ZMYM1: variants seen among roughly 807,000 people sequenced by gnomAD.
ZMYM1 encodes zinc finger MYM-type protein 1.
A neutral mutation model predicts 60.0 loss-of-function variants in ZMYM1; 39 were observed. The observed-to-expected ratio is 0.65, with a 90% CI of 0.50 to 0.85. The LOEUF is 0.85. Ranked by LOEUF, ZMYM1 falls within the 40% of genes least tolerant of loss-of-function variation. The pLI is 0.00. For synonymous variants in ZMYM1, 413 were observed against 454.0 expected (o/e 0.91, Z 1.15); for missense variants, 1,171 against 1,309.5 (o/e 0.89, Z 1.63).
chr1:35,073,370 G>GAAGGAAGGAAGGAAGGA (rs1642107636), intron 1 of ZMYM1, among the ~76,000 whole-genome samples: 2 of 148,052 alleles, frequency 1.4e-5, no homozygotes, highest in African/African-American at 5.0e-5. Context: ...AGGAAGGAAG[G>GAAGGAAGGAAGGAAGGA]AAGGAAAGAA....
chr1:35,111,963 G>A (rs373953514), intron 8 of ZMYM1, 51 bp downstream of exon 8: 12 of 1,557,940 alleles, frequency 7.7e-6, no homozygotes, highest in Non-Finnish European at 1.0e-5. Flanking sequence ...TGTCATACTT[G>A]ATAAATCTGT....
intron 6 of ZMYM1, among the ~76,000 whole-genome samples, chr1:35,105,051 A>G (rs763301954): frequency 1.3e-5 from 2 of 151,926 alleles, no homozygotes; most frequent in Non-Finnish European, 2.9e-5. Context: ...AAAAATAACA[A>G]TAGTCTGCTG....
chr1:35,072,084 A>G (rs1642077670), intron 1 of ZMYM1, among the ~76,000 whole-genome samples: 1 of 152,224 alleles, frequency 6.6e-6, no homozygotes, highest in Non-Finnish European at 1.5e-5. Flanking sequence ...CAGTGAGCCG[A>G]GATCACGCCA....
At position 35,114,772 on chromosome 1, in the gene ZMYM1, T is replaced by TA. The variant is rs1644213338; in HGVS notation, c.2943dup (p.Cys982MetfsTer6). On this transcript the variant is annotated frameshift_variant, in exon 10 of 10. Transcript: ENST00000359858. LOFTEE classifies it low-confidence loss of function (END_TRUNC). ...GATACTATATTACAAAATTTAAAGT[T>TA]ATGTTTTTCGGAGTTTGATTATTGC... 1.3e-6 allele frequency: 2 copies of TA among 1,597,906 alleles called. No homozygotes were observed. The highest frequency in any genetic ancestry group is 8.5e-7 in the Non-Finnish European group (1 of 1,170,556).
At chr1:35,066,174 T>C (rs1210367014) in intron 1 of ZMYM1, among the ~76,000 whole-genome samples, 1 of 152,246 alleles carries the variant, frequency 6.6e-6, no homozygotes, top group East Asian at 1.9e-4. Context: ...TATTTTTATA[T>C]ACTGGCAATG....
At chr1:35,103,916 T>C (rs913739200) in intron 4 of ZMYM1, among the ~76,000 whole-genome samples, 5 of 152,158 alleles carry the variant, frequency 3.3e-5, no homozygotes, top group African/African-American at 9.7e-5. Context: ...CACCTAATAA[T>C]ACAGGCTGGC....
chr1:35,091,731 C>CAA (rs755636348), intron 1 of ZMYM1, among the ~76,000 whole-genome samples: 1 of 108,036 alleles, frequency 9.3e-6, no homozygotes, highest in Non-Finnish European at 2.0e-5. Flanking sequence ...ACCTTCTCTA[C>CAA]AAAAAAAAAA....
chr1:35,085,324 G>A (rs1403737699), intron 1 of ZMYM1, among the ~76,000 whole-genome samples: 1 of 152,212 alleles, frequency 6.6e-6, no homozygotes, highest in East Asian at 1.9e-4. Flanking sequence ...TGGGATTACA[G>A]GCGTGAGCCA....
In ZMYM1 at chr1:35,113,096, A is replaced by T. The variant is rs199898245; in HGVS notation, c.1266A>T (p.Glu422Asp). The T allele has an allele frequency of 3.1e-6, 5 of 1,614,014 alleles. No homozygotes were observed. Among genetic ancestry groups the T allele is most frequent in the Non-Finnish European group, 4.2e-6 (5 of 1,180,004 alleles). The stretch of plus-strand genomic sequence containing the variant: ...AGCATGCAATTGGTTCCAGTACAGA[A>T]GTACAAAAAGACAATATGAAATCTA... Reference protein sequence around the residue: ...FSQHAIGSSTEVQKDNMKSMK... With the variant: ...FSQHAIGSSTDVQKDNMKSMK... The change falls in exon 10 of 10, where the codon GAA becomes GAT. Residue 422 changes from glutamate (E) to aspartate (D), a missense_variant. Transcript: ENST00000359858.
chr1:35,086,214 TACA>T (rs1642646421), intron 1 of ZMYM1, among the ~76,000 whole-genome samples: 3 of 152,140 alleles, frequency 2.0e-5, no homozygotes, highest in African/African-American at 7.2e-5. Flanking sequence ...TTTATATTCA[TACA>T]GAATTTTAAG....
rs80091471 is a variant in ZMYM1, at chr1:35,115,349, C to T, written c.*90C>T. 6.4e-3 allele frequency: 8,958 copies of T among 1,396,512 alleles called. 428 individuals carry two copies. In the African/African-American group the frequency reaches 0.1, roughly 16 times the overall value. 86.5% of individuals were successfully genotyped at this position (1,396,512 alleles called of 1,614,324 possible). On this transcript the variant is annotated 3_prime_UTR_variant, in exon 10 of 10. Coordinates refer to ENST00000359858, the MANE Select transcript of ZMYM1 (RefSeq NM_024772.5). ...TGTTCAAAATTCAAAAGACACAGAA[C>T]GATAAACAGTGAAGTCTCCTTCCCT...
chr1:35,082,850 G>C (rs1642462417), intron 1 of ZMYM1, among the ~76,000 whole-genome samples: 1 of 151,742 alleles, frequency 6.6e-6, no homozygotes, highest in African/African-American at 2.4e-5. Flanking sequence ...GAGTGGTAGT[G>C]CATGCCTGTA....
upstream of ZMYM1, among the ~76,000 whole-genome samples, chr1:35,077,646 C>G (rs1459204657): frequency 6.6e-6 from 1 of 152,110 alleles, no homozygotes; most frequent in African/African-American, 2.4e-5. Context: ...TTGTGGCCCC[C>G]ACCAGGGAAC....
chr1:35,097,716 C>A (rs1457309801), intron 4 of ZMYM1, 150 bp downstream of exon 4: 1 of 851,670 alleles, frequency 1.2e-6, no homozygotes, highest in Non-Finnish European at 1.8e-6. Context: ...ACGATCTCGG[C>A]TCACTGCAAC....
chr1:35,064,349 A>T (rs2148474953), intron 1 of ZMYM1, among the ~76,000 whole-genome samples: 1 of 151,460 alleles, frequency 6.6e-6, no homozygotes, highest in African/African-American at 2.4e-5. Flanking sequence ...ACAAATCCAC[A>T]ATTATAGTTG....
chr1:35,115,425 ATC>A lies in ZMYM1; in HGVS notation c.*167_*168del. 1.3e-6 allele frequency: 1 copy of A among 754,908 alleles called. No individual in the cohort carries two copies. Among genetic ancestry groups the A allele is most frequent in the Non-Finnish European group, 2.0e-6 (1 of 497,210 alleles). The allele number at this position is 754,908 out of a possible 1,614,324, so 46.8% of individuals were successfully genotyped here. ...AAAAAGTGTTATCTTTTCCTTAAAT[ATC>A]CCTCTAGAGGTATTTTTCCTAAGTG... On this transcript the variant is annotated 3_prime_UTR_variant, in exon 10 of 10. Coordinates refer to ENST00000359858, the MANE Select transcript of ZMYM1 (RefSeq NM_024772.5).
Position 35,070,820 on chromosome 1 carries a change from T to A in ZMYM1, c.-300-8174T>A, listed in dbSNP as rs76859369. ...TAACTTCTTGAGGGTTTTTTTTTTT[T>A]AATCATGAAGCGATGTTGAATTTTG... On this transcript the variant is annotated intron_variant, in intron 1 of 10. Coordinates refer to the ZMYM1 transcript ENST00000417119. Among the ~76,000 whole-genome samples, 4 of 151,992 alleles carry A rather than the reference T, an allele frequency of 2.6e-5. No individual in the cohort carries two copies. The East Asian group carries it at 5.8e-4, about 22-fold the overall frequency.
chr1:35,069,675 T>G (rs1478508649), intron 1 of ZMYM1, among the ~76,000 whole-genome samples: 1 of 152,204 alleles, frequency 6.6e-6, no homozygotes, highest in East Asian at 1.9e-4. Context: ...CCAATGTTAT[T>G]AAGCATTTTC....
intron 1 of ZMYM1, among the ~76,000 whole-genome samples, chr1:35,073,338 A>AAAGGAAGGAAGGAAGGAAGGAAGGAAGG (rs71029062): frequency 2.6e-4 from 30 of 115,770 alleles, no homozygotes; most frequent in Middle Eastern, 5.6e-3. Context: ...AGAAAGAAAG[A>AAAGGAAGGAAGGAAGGAAGGAAGGAAGG]AAGGAAGGAA....
Sources: gnomAD v4.1 joint callset for allele counts (sites outside exome capture counted in the v4.1 genomes callset) on GRCh38, gnomAD v4.1.1 for gene constraint, MANE v1.5 for transcripts, NCBI Gene and HGNC (gene_info 2026-07-23, HGNC 2026-07-21) for gene names.